The following BHLHE41 variants were observed in gnomAD, a reference collection of about 807,000 sequenced individuals.
BHLHE41 encodes the protein class E basic helix-loop-helix protein 41.
Under a neutral mutation model 24.0 loss-of-function variants are expected in BHLHE41, and 14 were observed. The observed-to-expected ratio is 0.58, with a 90% confidence interval of 0.39 to 0.91. The LOEUF (loss-of-function observed/expected upper bound fraction) is 0.91. Ranked by LOEUF, BHLHE41 falls within the 40% of genes least tolerant of loss-of-function variation. The pLI is 0.00. For synonymous variants in BHLHE41, 394 were observed against 315.5 expected (o/e 1.25, Z -2.64); for missense variants, 674 against 655.4 (o/e 1.03, Z -0.31).
intron 1 of BHLHE41, 63 bp from the exon 2 acceptor site, chr12:26,124,645 A>T: frequency 6.2e-7 from 1 of 1,612,644 alleles, no homozygotes; most frequent in Non-Finnish European, 8.5e-7. Context: ...CGCCAGCTCC[A>T]TACCACTTTC....
At chr12:26,123,355 G>A (rs1406825168) in intron 4 of BHLHE41, among the ~76,000 whole-genome samples, 187 bp from the exon 5 acceptor site, 1 of 152,160 alleles carries the variant, frequency 6.6e-6, no homozygotes, top group Non-Finnish European at 1.5e-5. Context: ...GTGCGGAGCG[G>A]GGAGAGGGCG....
Position 26,120,416 on chromosome 12 carries a change from T to C in BHLHE41, c.*1650A>G, listed in dbSNP as rs948349764. On this transcript the variant is annotated 3_prime_UTR_variant, in exon 5 of 5. Transcript: ENST00000242728. ...TACTAAACTTTTCTAAACCAGCTGGTTTCTCACAGACAGTATTTATTTTTT... is the reference window on the plus strand; with the variant it reads ...TACTAAACTTTTCTAAACCAGCTGGCTTCTCACAGACAGTATTTATTTTTT... The C allele has an allele frequency of 2.0e-5, 3 of 152,562 alleles. No homozygotes were observed. The highest frequency in any genetic ancestry group is 2.4e-5 in the African/African-American group (1 of 41,428). 9.5% of individuals were successfully genotyped at this position (152,562 alleles called of 1,614,324 possible).
At position 26,122,840 on chromosome 12, in the gene BHLHE41, C is replaced by A; in HGVS notation, c.675G>T (p.Gln225His). Residue 225 changes from glutamine to histidine, a missense_variant, in exon 5 of 5, where the codon CAG becomes CAT. Gln to His is a conservative substitution (Grantham distance 24). Around this residue, in one of 3 missense-constraint regions of BHLHE41, gnomAD observed 602 missense variants for 570.8 expected, o/e 1.05. Coordinates refer to ENST00000242728, the MANE Select transcript of BHLHE41 (RefSeq NM_030762.3). ...AYCVPVIQRT[Q>H]PSAELAAEND... ...TCTCGGCGGCGAGCTCGGCGCTGGG[C>A]TGAGTCCGCTGGATGACGGGCACGC... 6.3e-7 allele frequency: 1 copy of A among 1,577,390 alleles called. No homozygotes were observed. The highest frequency in any genetic ancestry group is 2.3e-5 in the East Asian group (1 of 43,020).
Position 26,121,768 on chromosome 12 carries a change from T to G in BHLHE41, c.*298A>C. The G allele has an allele frequency of 8.3e-6, 4 of 480,770 alleles. No individual in the cohort carries two copies. The highest frequency in any genetic ancestry group is 5.8e-5 in the East Asian group (1 of 17,108). The allele number at this position is 480,770 out of a possible 1,614,324, so 29.8% of individuals were successfully genotyped here. A position where few individuals can be genotyped will look rare whatever the true frequency, so the allele number is the denominator to read the frequency against. ...ATGGCCTAAAAGGGGGCAAAATTTA[T>G]TTGGGGGATTAAAAAAAAGAGCCAG... On this transcript the variant is annotated 3_prime_UTR_variant, in exon 5 of 5. Transcript: ENST00000242728.
chr12:26,124,108 C>G lies in BHLHE41; in HGVS notation c.198G>C (p.Gln66His). Residue 66 changes from glutamine to histidine, a missense_variant, in exon 3 of 5, where the codon CAG becomes CAC. Transcript: ENST00000242728. ...RRDRINECIA[Q>H]LKDLLPEHLK... Reference sequence around the variant, plus strand: ...GATGTTCAGGCAGTAAATCTTTCAGCTGAGCAATGCATTCATTAATTCGGT... The same window carrying G: ...GATGTTCAGGCAGTAAATCTTTCAGGTGAGCAATGCATTCATTAATTCGGT... 6.2e-7 allele frequency: 1 copy of G among 1,612,878 alleles called. No homozygotes were observed. The highest frequency in any genetic ancestry group is 8.5e-7 in the Non-Finnish European group (1 of 1,178,936).
Position 26,122,732 on chromosome 12 carries a change from G to T in BHLHE41, c.783C>A (p.Ser261Arg). Residue 261 changes from serine to arginine, a missense_variant, in exon 5 of 5, where the codon AGC becomes AGA. This residue lies in a region of BHLHE41 where 602 missense variants were observed against 570.8 expected (regional missense o/e 1.05). Coordinates refer to ENST00000242728, the MANE Select transcript of BHLHE41 (RefSeq NM_030762.3). ...GAGGCTCCTGCTTGATGGTGACGCG[G>T]CTCGCCCCCGCGCCTTTGCCTTTCT... ...DREKGKGAGASRVTIKQEPPG... is the reference protein window; with the variant it reads ...DREKGKGAGARRVTIKQEPPG... 1 of 1,590,548 alleles carries T rather than the reference G, an allele frequency of 6.3e-7. No homozygotes were observed.
intron 2 of BHLHE41, 82 bp from the exon 3 acceptor site, chr12:26,124,261 C>T: frequency 1.8e-6 from 1 of 559,566 alleles, no homozygotes; most frequent in Non-Finnish European, 3.1e-6. Flanking sequence ...CTGCCCCCCC[C>T]GCCCCCCCAC....
In BHLHE41 at chr12:26,123,212, G is replaced by A. The variant is rs1445400730; in HGVS notation, c.347-44C>T. ...GGGGGTGGGGGACGGAGGAGTGGAGGCAAGAAGAAACATACCCACGTTAAA... is the reference window on the plus strand; with the variant it reads ...GGGGGTGGGGGACGGAGGAGTGGAGACAAGAAGAAACATACCCACGTTAAA... On this transcript the variant is annotated intron_variant, in intron 4 of 4. Coordinates refer to ENST00000242728, the MANE Select transcript of BHLHE41 (RefSeq NM_030762.3). 3.3e-6 allele frequency: 5 copies of A among 1,532,216 alleles called. No individual in the cohort carries two copies. The South Asian group carries it at 5.1e-5, about 16-fold the overall frequency. 94.9% of individuals were successfully genotyped at this position (1,532,216 alleles called of 1,614,324 possible).
chr12:26,124,033 C>T (rs1397559845), intron 3 of BHLHE41, 39 bp downstream of exon 3: 1 of 1,340,824 alleles, frequency 7.5e-7, no homozygotes, highest in African/African-American at 1.4e-5. Flanking sequence ...TATTAACACG[C>T]CCTTGGAGAG....
At position 26,122,507 on chromosome 12, in the gene BHLHE41, G is replaced by C; in HGVS notation, c.1008C>G (p.Pro336=). ...CCGCGGCGGCCGCGGGCTGCGGGAA[G>C]GGCGCGCCTCCGCCTCCGCCGAACG... is the stretch of plus-strand genomic sequence containing the variant. ...LVAFGGGGGA[P]FPQPAAAAAP... Residue 336 remains proline (P), a synonymous_variant, in exon 5 of 5, where the codon CCC becomes CCG. Transcript: ENST00000242728. 3 of 1,307,816 alleles carry C rather than the reference G, an allele frequency of 2.3e-6. No homozygotes were observed. Among genetic ancestry groups the C allele is most frequent in the Non-Finnish European group, 2.9e-6 (3 of 1,018,030 alleles). The allele number at this position is 1,307,816 out of a possible 1,614,324, so 81.0% of individuals were successfully genotyped here.
chr12:26,124,118 C>G lies in BHLHE41; in HGVS notation c.188G>C (p.Cys63Ser), dbSNP rs773611743. 1 of 1,613,174 alleles carries G rather than the reference C, an allele frequency of 6.2e-7. No individual in the cohort carries two copies. The highest frequency in any genetic ancestry group is 8.5e-7 in the Non-Finnish European group (1 of 1,179,222). ...CAGTAAATCTTTCAGCTGAGCAATG[C>G]ATTCATTAATTCGGTCTCTTCTTTT... ...EKKRRDRINECIAQLKDLLPE... is the reference protein window; with the variant it reads ...EKKRRDRINESIAQLKDLLPE... Residue 63 changes from cysteine to serine, a missense_variant, in exon 3 of 5, where the codon TGC (cysteine) becomes TCC (serine). Transcript: ENST00000242728.
Position 26,122,156 on chromosome 12 carries a change from G to A in BHLHE41, c.1359C>T (p.Thr453=), listed in dbSNP as rs562259562. 5.2e-6 allele frequency: 8 copies of A among 1,541,342 alleles called. No individual in the cohort carries two copies. In the South Asian group the frequency reaches 6.0e-5, roughly 12 times the overall value. The stretch of plus-strand genomic sequence containing the variant: ...CGCGGGGCCCGGCGAAGGGCAGGTG[G>A]GTGCGGCCGTGCGGGTGCTGGGGGT... ...APHPQHPHGR[T]HLPFAGPREP... Residue 453 remains threonine, a synonymous_variant, in exon 5 of 5, where the codon ACC becomes ACT. Transcript: ENST00000242728.
chr12:26,124,999 A>G lies in BHLHE41; in HGVS notation c.-220T>C. ...ACACACGCACACTCGCGCCGGCCCC[A>G]CTGCGCTGGTAGTTTGCTCTCACTC... On this transcript the variant is annotated 5_prime_UTR_variant, in exon 1 of 5. Transcript: ENST00000242728. 1.6e-6 allele frequency: 1 copy of G among 633,516 alleles called. No individual in the cohort carries two copies. Among genetic ancestry groups the G allele is most frequent in the Non-Finnish European group, 2.9e-6 (1 of 349,106 alleles). 39.2% of individuals were successfully genotyped at this position (633,516 alleles called of 1,614,324 possible).
In BHLHE41 at chr12:26,124,897, C is replaced by G; in HGVS notation, c.-118G>C. The G allele has an allele frequency of 9.7e-7, 1 of 1,033,396 alleles. No homozygotes were observed. Among genetic ancestry groups the G allele is most frequent in the South Asian group, 1.3e-5 (1 of 79,008 alleles). The allele number at this position is 1,033,396 out of a possible 1,614,324, so 64.0% of individuals were successfully genotyped here. ...GTGCGTCTCCAGTCTCTCTCTCGCT[C>G]TCCCTCTTCAGTGCAGTGTTGAAAG... On this transcript the variant is annotated 5_prime_UTR_variant, in exon 1 of 5. Coordinates refer to ENST00000242728, the MANE Select transcript of BHLHE41 (RefSeq NM_030762.3).
rs1375836285 is a variant in BHLHE41 at position 26,122,818 on chromosome 12, C to T, written c.697G>A (p.Glu233Lys). 2 of 1,588,630 alleles carry T rather than the reference C, an allele frequency of 1.3e-6. No homozygotes were observed. Among genetic ancestry groups the T allele is most frequent in the Non-Finnish European group, 1.7e-6 (2 of 1,171,956 alleles). ...CCGCTGTCGGTGTCCGTGTCGTTCT[C>T]GGCGGCGAGCTCGGCGCTGGGCTGA... ...RTQPSAELAA[E>K]NDTDTDSGYG... is the part of the protein sequence containing the mutation. The change falls in exon 5 of 5, where the codon GAG becomes AAG. Residue 233 changes from glutamate (E) to lysine (K), a missense_variant. Coordinates refer to ENST00000242728, the MANE Select transcript of BHLHE41 (RefSeq NM_030762.3).
Position 26,122,200 on chromosome 12 carries a change from CCACCTCGTGCGG to C in BHLHE41, c.1303_1314del (p.Pro435_Val438del), listed in dbSNP as rs1944312976. 7.2e-6 allele frequency: 10 copies of C among 1,395,066 alleles called. No individual in the cohort carries two copies. In the South Asian group the frequency reaches 1.7e-4, roughly 23 times the overall value. The allele number at this position is 1,395,066 out of a possible 1,614,324, so 86.4% of individuals were successfully genotyped here. ...TGGGGGTGCGGCGCCCCAAGGGGCG[CCACCTCGTGCGG>C]CAGGAGGGTCGCGGCGGCGGCGCCC... On this transcript the variant is annotated inframe_deletion, in exon 5 of 5. Coordinates refer to ENST00000242728, the MANE Select transcript of BHLHE41 (RefSeq NM_030762.3).
Position 26,122,704 on chromosome 12 carries a change from C to T in BHLHE41, c.811G>A (p.Gly271Arg), listed in dbSNP as rs761341197. The T allele has an allele frequency of 3.8e-6, 6 of 1,579,404 alleles. No homozygotes were observed. The highest frequency in any genetic ancestry group is 2.4e-5 in the East Asian group (1 of 40,910). Reference protein sequence around the residue: ...SRVTIKQEPPGEDSPAPKRMK... With the variant: ...SRVTIKQEPPREDSPAPKRMK... The stretch of plus-strand genomic sequence containing the variant: ...CTCTTGGGCGCCGGCGAGTCCTCCC[C>T]GGGAGGCTCCTGCTTGATGGTGACG... The change falls in exon 5 of 5, where the codon GGG becomes AGG. Residue 271 changes from glycine (G) to arginine (R), a missense_variant. By Grantham distance (125) the Gly-to-Arg change is moderately radical. Around this residue, in one of 3 missense-constraint regions of BHLHE41, gnomAD observed 602 missense variants for 570.8 expected, o/e 1.05. Transcript: ENST00000242728.
Position 26,122,282 on chromosome 12 carries a change from CGCGGCGGCGGCGGCGGCAGCGGCG to C in BHLHE41, c.1209_1232del (p.Ala404_Ala411del), listed in dbSNP as rs942589828. ...ACAACACCGAGGACAGGCAGGGGAA[CGCGGCGGCGGCGGCGGCAGCGGCG>C]GCGGCGGCTGCCGCGGCTGCCGCCG... On this transcript the variant is annotated inframe_deletion, in exon 5 of 5. Coordinates refer to ENST00000242728, the MANE Select transcript of BHLHE41 (RefSeq NM_030762.3). The C allele has an allele frequency of 5.8e-6, 7 of 1,202,370 alleles. No homozygotes were observed. The highest frequency in any genetic ancestry group is 4.2e-5 in the South Asian group (1 of 24,048). The allele number at this position is 1,202,370 out of a possible 1,614,324, so 74.5% of individuals were successfully genotyped here. A position where few individuals can be genotyped will look rare whatever the true frequency, so the allele number is the denominator to read the frequency against.
At position 26,121,167 on chromosome 12, in the gene BHLHE41, G is replaced by A. The variant is rs1016678136; in HGVS notation, c.*899C>T. ...GAGTGGGAATAGATGCACTTGAGATGTGTATGTATAGATACCTATCTATGG... is the reference window on the plus strand; with the variant it reads ...GAGTGGGAATAGATGCACTTGAGATATGTATGTATAGATACCTATCTATGG... On this transcript the variant is annotated 3_prime_UTR_variant, in exon 5 of 5. Transcript: ENST00000242728. 1.3e-5 allele frequency: 2 copies of A among 152,210 alleles called. No individual in the cohort carries two copies. The highest frequency in any genetic ancestry group is 4.8e-5 in the African/African-American group (2 of 41,416). 9.4% of individuals were successfully genotyped at this position (152,210 alleles called of 1,614,324 possible). A position where few individuals can be genotyped will look rare whatever the true frequency, so the allele number is the denominator to read the frequency against.
Sources: allele counts gnomAD v4.1 joint callset (sites outside exome capture counted in the v4.1 genomes callset), GRCh38; gene constraint gnomAD v4.1.1; regional missense constraint gnomAD v4.1.1; transcripts MANE v1.5; gene names NCBI Gene and HGNC (gene_info 2026-07-23, HGNC 2026-07-21).